RORA: variants seen among roughly 807,000 people sequenced by gnomAD.
RORA encodes the protein RAR related orphan receptor A.
RORA carries 7 observed loss-of-function variants against 69.5 expected under a neutral mutation model. The ratio of observed to expected loss-of-function variants is 0.10; its 90% CI spans 0.06 to 0.19. RORA has a LOEUF of 0.19. RORA is among the 10% of genes least tolerant of loss of function. The pLI is 1.00. For synonymous variants in RORA, 261 were observed against 240.8 expected, an observed-to-expected ratio of 1.08 and a Z score of -0.78; for missense variants, 457 against 663.0, an observed-to-expected ratio of 0.69 and a Z score of 3.41.
intron 1 of RORA, among the ~76,000 whole-genome samples, chr15:61,009,190 A>G (rs1895013745): frequency 6.6e-6 from 1 of 152,228 alleles, no homozygotes; most frequent in South Asian, 2.1e-4. Flanking sequence ...GGTGTTCTCC[A>G]TCCCCTTCTT....
At chr15:60,561,072 TTTTGTTTTTG>T (rs2067532441) in intron 2 of RORA, among the ~76,000 whole-genome samples, 3 of 125,164 alleles carry the variant, frequency 2.4e-5, no homozygotes, top group African/African-American at 4.6e-5. Context: ...TTTTTTTTTG[TTTTGTTTTTG>T]TTTTTTTTTT....
chr15:61,098,052 T>C (rs547271680), intron 1 of RORA, among the ~76,000 whole-genome samples: 1 of 151,526 alleles, frequency 6.6e-6, no homozygotes, highest in East Asian at 2.0e-4. Context: ...CTTCCTTCCT[T>C]CCTTCCTTAA....
At chr15:61,192,111 G>A (rs1220606689) in intron 1 of RORA, among the ~76,000 whole-genome samples, 2 of 152,218 alleles carry the variant, frequency 1.3e-5, no homozygotes, top group Admixed American at 6.5e-5. Flanking sequence ...TAACCAACAC[G>A]GTGCTATTTA....
intron 1 of RORA, among the ~76,000 whole-genome samples, chr15:60,947,011 G>A (rs1184320627): frequency 3.4e-5 from 5 of 147,638 alleles, no homozygotes; most frequent in African/African-American, 1.2e-4. Flanking sequence ...CTTCCGGGAG[G>A]GAGGTGGGGG....
chr15:60,692,285 T>C (rs2070839071), intron 1 of RORA, among the ~76,000 whole-genome samples: 1 of 152,230 alleles, frequency 6.6e-6, no homozygotes, highest in African/African-American at 2.4e-5. Context: ...TTGTAAATAT[T>C]TAGTTTATTA....
intron 1 of RORA, among the ~76,000 whole-genome samples, chr15:60,766,718 G>T (rs2071998402): frequency 6.6e-6 from 1 of 150,686 alleles, no homozygotes; most frequent in South Asian, 2.1e-4. Flanking sequence ...GGAGCTTCTT[G>T]CTGGGGCCGA....
intron 1 of RORA, among the ~76,000 whole-genome samples, chr15:61,059,169 CAG>C (rs970764299): frequency 6.6e-6 from 1 of 152,212 alleles, no homozygotes; most frequent in African/African-American, 2.4e-5. Flanking sequence ...TAGTCTCCTA[CAG>C]AGAGTGCAGA....
chr15:60,505,656 C>G lies in RORA; in HGVS notation c.821-27G>C, dbSNP rs371915093. 3.7e-6 allele frequency: 6 copies of G among 1,608,550 alleles called. No individual in the cohort carries two copies. The African/African-American group carries it at 8.0e-5, about 22-fold the overall frequency. ...TAAGGAGAAAACGGGAGATCACAAACACGAAAAGCGAAGTTCTTTGAATAA... is the reference window on the plus strand; with the variant it reads ...TAAGGAGAAAACGGGAGATCACAAAGACGAAAAGCGAAGTTCTTTGAATAA... On this transcript the variant is annotated intron_variant, in intron 5 of 10. Coordinates refer to ENST00000335670, the MANE Select transcript of RORA (RefSeq NM_134261.3).
At chr15:61,039,118 C>T (rs1284971435) in intron 1 of RORA, 2 of 152,198 alleles carry the variant, frequency 1.3e-5, no homozygotes, top group Non-Finnish European at 2.9e-5. Context: ...CCAAGTACAA[C>T]TTCTGGTTTC....
intron 2 of RORA, chr15:60,614,884 A>G (rs200001277): frequency 1.2e-5 from 20 of 1,609,018 alleles, no homozygotes; most frequent in East Asian, 2.2e-5. Context: ...TAAGCTCTCA[A>G]ATAACGCACC....
At chr15:60,906,775 T>C (rs1163149647) in intron 1 of RORA, among the ~76,000 whole-genome samples, 1 of 152,176 alleles carries the variant, frequency 6.6e-6, no homozygotes, top group Non-Finnish European at 1.5e-5. Flanking sequence ...ACTAAGATTT[T>C]TATTGTACAT....
Position 60,650,974 on chromosome 15 carries a change from C to T in RORA, c.196+27683G>A, listed in dbSNP as rs74756302. ...ACATAGAAAAGCTAAGATTCAAACC[C>T]GGGTCCTTTTGCCTCTAATGTCCGA... On this transcript the variant is annotated intron_variant, in intron 2 of 10. Transcript: ENST00000335670. 2.1e-3 allele frequency among the ~76,000 whole-genome samples: 314 copies of T among 152,194 alleles called. 10 individuals are homozygous for T. The East Asian group carries it at 0.053, about 26-fold the overall frequency.
chr15:60,756,049 T>C (rs1163381432), intron 1 of RORA, among the ~76,000 whole-genome samples: 3 of 152,134 alleles, frequency 2.0e-5, no homozygotes, highest in African/African-American at 7.2e-5. Flanking sequence ...ATCTCCACCT[T>C]CTCCTAAGTG....
chr15:60,701,491 G>A (rs2070980628), intron 1 of RORA, among the ~76,000 whole-genome samples: 1 of 152,140 alleles, frequency 6.6e-6, no homozygotes, highest in South Asian at 2.1e-4. Context: ...TTAGTGTCCG[G>A]TGAACAAAGG....
intron 1 of RORA, among the ~76,000 whole-genome samples, chr15:60,823,931 A>T (rs2072925895): frequency 6.6e-6 from 1 of 152,058 alleles, no homozygotes; most frequent in South Asian, 2.1e-4. Context: ...ATATTAATAC[A>T]TTTTTTTTGG....
chr15:61,224,101 C>T (rs2080124430), intron 1 of RORA, among the ~76,000 whole-genome samples: 1 of 151,902 alleles, frequency 6.6e-6, no homozygotes, highest in African/African-American at 2.4e-5. Context: ...TCTTCATATT[C>T]AGAAAAGTAT....
rs1176687575 is a variant in RORA, at chr15:60,515,789, C to T, written c.283-1032G>A. On this transcript the variant is annotated intron_variant, in intron 3 of 10. Coordinates refer to ENST00000335670, the MANE Select transcript of RORA (RefSeq NM_134261.3). ...CAGGGTCTTGCTCTGTCACCCAGGC[C>T]AGACTCCTCGGCTCAAGCCATCCTC... is the stretch of plus-strand genomic sequence containing the variant. 2.0e-5 allele frequency among the ~76,000 whole-genome samples: 3 copies of T among 146,786 alleles called. No homozygotes were observed. The East Asian group carries it at 6.0e-4, about 29-fold the overall frequency.
intron 1 of RORA, among the ~76,000 whole-genome samples, chr15:60,900,397 T>G (rs1891354524): frequency 6.6e-6 from 1 of 152,170 alleles, no homozygotes; most frequent in Admixed American, 6.5e-5. Flanking sequence ...TACATTGATG[T>G]TGAAAAATGT....
chr15:60,880,369 G>A (rs7182717), intron 1 of RORA, among the ~76,000 whole-genome samples: 75,221 of 152,088 alleles, frequency 0.49, 20,215 homozygotes, highest in Non-Finnish European at 0.59. Context: ...CACCAGGCAC[G>A]GTGGCTCATG....
Sources: allele counts gnomAD v4.1 joint callset (sites outside exome capture counted in the v4.1 genomes callset), GRCh38; gene constraint gnomAD v4.1.1; transcripts MANE v1.5; gene names NCBI Gene and HGNC (gene_info 2026-07-23, HGNC 2026-07-21).